Variants in ATR observed in about 807,000 individuals in gnomAD.
ATR encodes the protein serine/threonine-protein kinase ATR.
In ATR, 142 loss-of-function variants were observed where a neutral mutation model predicts 305.3. The ratio of observed to expected loss-of-function variants is 0.47; its 90% CI spans 0.41 to 0.53. The LOEUF (loss-of-function observed/expected upper bound fraction) is 0.53. Ranked by LOEUF, ATR falls within the 20% of genes least tolerant of loss-of-function variation. The pLI is 0.00. For synonymous variants in ATR, 1,050 were observed against 1,068.1 expected (o/e 0.98, Z 0.33); for missense variants, 2,135 against 3,133.1 (o/e 0.68, Z 7.60).
In ATR at chr3:142,550,213, A is replaced by G. The variant is rs113982627; in HGVS notation, c.2895T>C (p.Ala965=). 6 of 1,614,182 alleles carry G rather than the reference A, an allele frequency of 3.7e-6. No individual in the cohort carries two copies. Among genetic ancestry groups the G allele is most frequent in the Non-Finnish European group, 5.1e-6 (6 of 1,180,010 alleles). The change falls in exon 14 of 47, where the codon GCT becomes GCC. Residue 965 remains alanine, a synonymous_variant. Transcript: ENST00000350721. ...QNADVRKQDV[A]HQREMALNTL... is the part of the protein sequence containing the mutation. ...TATTTAAAGCCATTTCTCTCTGGTGAGCCACATCTTGTTTTCGCACGTCAG... is the reference window on the plus strand; with the variant it reads ...TATTTAAAGCCATTTCTCTCTGGTGGGCCACATCTTGTTTTCGCACGTCAG...
chr3:142,543,940 G>A (rs994053018), intron 16 of ATR, among the ~76,000 whole-genome samples: 4 of 152,056 alleles, frequency 2.6e-5, no homozygotes, highest in Admixed American at 6.6e-5. Context: ...CAGAGTGCTG[G>A]GATTTCAGGT....
At chr3:142,556,642 ATATAT>A in intron 8 of ATR, 67 bp from the exon 9 acceptor site, 2 of 1,410,926 alleles carry the variant, frequency 1.4e-6, no homozygotes, top group Non-Finnish European at 2.0e-6. Flanking sequence ...ACATATACAT[ATATAT>A]AAGTAAAGTA....
rs765419309 is a variant in ATR at position 142,563,006 on chromosome 3, AAAT to A, written c.393_395del (p.Leu131del). ...TAGCAGGACTCTTGCTTTTAAAAAGAAATAATAATGAACAGATGACTTCACAGA... is the reference window on the plus strand; with the variant it reads ...TAGCAGGACTCTTGCTTTTAAAAAGAAATAATGAACAGATGACTTCACAGA... On this transcript the variant is annotated inframe_deletion, in exon 4 of 47. Transcript: ENST00000350721. The A allele has an allele frequency of 1.3e-6, 2 of 1,598,876 alleles. No individual in the cohort carries two copies. The highest frequency in any genetic ancestry group is 8.5e-7 in the Non-Finnish European group (1 of 1,175,784).
At chr3:142,553,170 T>C (rs2034539135) in intron 13 of ATR, 57 bp downstream of exon 13, 2 of 1,561,420 alleles carry the variant, frequency 1.3e-6, no homozygotes, top group African/African-American at 2.7e-5. Context: ...TCTTCTTTTT[T>C]GTAACTCTTA....
chr3:142,470,555 T>C (rs951002697), intron 36 of ATR, among the ~76,000 whole-genome samples: 2 of 152,168 alleles, frequency 1.3e-5, no homozygotes, highest in African/African-American at 4.8e-5. Flanking sequence ...TCTGGGAAAT[T>C]ATAATAACTT....
At chr3:142,479,665 T>C (rs2030264567) in intron 36 of ATR, among the ~76,000 whole-genome samples, 1 of 152,216 alleles carries the variant, frequency 6.6e-6, no homozygotes, top group Admixed American at 6.5e-5. Context: ...TTCTCCTGGA[T>C]TATATCCTGC....
At position 142,449,362 on chromosome 3, in the gene ATR, C is replaced by G; in HGVS notation, c.*67G>C. The G allele has an allele frequency of 6.8e-7, 1 of 1,459,962 alleles. No homozygotes were observed. The highest frequency in any genetic ancestry group is 1.8e-4 in the Middle Eastern group (1 of 5,670). 90.4% of individuals were successfully genotyped at this position (1,459,962 alleles called of 1,614,324 possible). On this transcript the variant is annotated 3_prime_UTR_variant, in exon 47 of 47. Transcript: ENST00000350721. ...GTTGTACTTTAGAATTGAACAGATACAACCACAGATTCATACCAAATGCAT... is the reference window on the plus strand; with the variant it reads ...GTTGTACTTTAGAATTGAACAGATAGAACCACAGATTCATACCAAATGCAT...
At chr3:142,535,004 T>C (rs1478945230) in intron 21 of ATR, 76 bp downstream of exon 21, 1 of 1,462,858 alleles carries the variant, frequency 6.8e-7, no homozygotes, top group Non-Finnish European at 9.3e-7. Context: ...CAAACAAAAA[T>C]GTCATTTTGT....
intron 16 of ATR, among the ~76,000 whole-genome samples, chr3:142,546,634 G>A (rs754429736): frequency 6.6e-6 from 1 of 152,166 alleles, no homozygotes; most frequent in African/African-American, 2.4e-5. Context: ...AGAGGATAAA[G>A]TAGATAATTT....
At chr3:142,528,102 G>T (rs1195037819) in intron 21 of ATR, among the ~76,000 whole-genome samples, 2 of 152,134 alleles carry the variant, frequency 1.3e-5, no homozygotes, top group East Asian at 3.8e-4. Context: ...GTAGTACTTT[G>T]TTATAGCAGC....
At chr3:142,476,600 C>A (rs2071458962) in intron 36 of ATR, among the ~76,000 whole-genome samples, 1 of 152,006 alleles carries the variant, frequency 6.6e-6, no homozygotes, top group South Asian at 2.1e-4. Flanking sequence ...TTCATATGAA[C>A]TTTAAAGTAG....
In ATR at chr3:142,467,934, C is replaced by T. The variant is rs745796649; in HGVS notation, c.6687G>A (p.Pro2229=). 5.6e-6 allele frequency: 9 copies of T among 1,612,204 alleles called. No individual in the cohort carries two copies. The highest frequency in any genetic ancestry group is 2.2e-5 in the South Asian group (2 of 91,010). Residue 2229 remains proline (P), a splice_region_variant and synonymous_variant, in exon 39 of 47, where the codon CCG becomes CCA. Transcript: ENST00000350721. The stretch of plus-strand genomic sequence containing the variant: ...ATAAGCACTAAGATTATGATAGTAC[C>T]GGTTTATTGCACAATTCTAGAAGCT... ...TDKLLELCNK[P]VDGSSSTLSM...
At chr3:142,520,829 T>C (rs532993291) in intron 23 of ATR, among the ~76,000 whole-genome samples, 1 of 152,270 alleles carries the variant, frequency 6.6e-6, no homozygotes, top group Non-Finnish European at 1.5e-5. Context: ...CAACTATTGA[T>C]AGAGAAGCTG....
chr3:142,507,186 T>C (rs2032293056), intron 28 of ATR, among the ~76,000 whole-genome samples: 1 of 152,252 alleles, frequency 6.6e-6, no homozygotes, highest in Non-Finnish European at 1.5e-5. Flanking sequence ...GCTTTTTGAT[T>C]TGAAAAGCCC....
chr3:142,510,574 G>C (rs1330414443), intron 27 of ATR, among the ~76,000 whole-genome samples: 2 of 152,128 alleles, frequency 1.3e-5, no homozygotes, highest in East Asian at 3.8e-4. Flanking sequence ...GGCAAGTCCA[G>C]GAAATTTCAG....
At chr3:142,476,548 T>G (rs545460306) in intron 36 of ATR, among the ~76,000 whole-genome samples, 3 of 152,326 alleles carry the variant, frequency 2.0e-5, no homozygotes, top group East Asian at 3.9e-4. Context: ...GCTTTGTTCT[T>G]TTGGCTTAGG....
chr3:142,527,262 C>T (rs1444069730), intron 21 of ATR, among the ~76,000 whole-genome samples: 3 of 151,860 alleles, frequency 2.0e-5, no homozygotes, highest in African/African-American at 7.3e-5. Flanking sequence ...TCTTTCATTT[C>T]CTATACTCCA....
At chr3:142,572,144 A>T (rs145088285) in intron 1 of ATR, among the ~76,000 whole-genome samples, 2,722 of 150,240 alleles carry the variant, frequency 0.018, 28 homozygotes, top group South Asian at 0.041. Context: ...ATCTCGGCTC[A>T]CTGCAACCTC....
At chr3:142,536,635 T>C (rs1336067182) in intron 19 of ATR, among the ~76,000 whole-genome samples, 1 of 152,248 alleles carries the variant, frequency 6.6e-6, no homozygotes, top group South Asian at 2.1e-4. Context: ...GGACAGACCG[T>C]GGTACAGAGA....
Sources: allele counts gnomAD v4.1 joint callset (sites outside exome capture counted in the v4.1 genomes callset), GRCh38; gene constraint gnomAD v4.1.1; transcripts MANE v1.5; gene names NCBI Gene and HGNC (gene_info 2026-07-23, HGNC 2026-07-21).